The following POLR2F variants were observed in gnomAD, a reference collection of about 807,000 sequenced individuals.
POLR2F encodes DNA-directed RNA polymerases I, II, and III subunit RPABC2.
Under a neutral mutation model 22.7 loss-of-function variants are expected in POLR2F, and 12 were observed. The ratio of observed to expected loss-of-function variants is 0.53; its 90% CI spans 0.34 to 0.86. The LOEUF (loss-of-function observed/expected upper bound fraction) is 0.86. Ranked by LOEUF, POLR2F falls within the 40% of genes least tolerant of loss-of-function variation. The probability of loss-of-function intolerance (pLI) is 0.02; values close to 1 mark genes in which losing one functional copy is unlikely to be tolerated. For synonymous variants in POLR2F, 57 were observed against 66.0 expected (o/e 0.86, Z 0.66); for missense variants, 126 against 171.5 (o/e 0.73, Z 1.48).
At chr22:37,960,681 G>A (rs1009819190) in intron 3 of POLR2F, among the ~76,000 whole-genome samples, 1 of 151,960 alleles carries the variant, frequency 6.6e-6, no homozygotes, top group Non-Finnish European at 1.5e-5. Context: ...GATTACAGAC[G>A]TGAGCCACCG....
intron 1 of POLR2F, among the ~76,000 whole-genome samples, chr22:38,014,240 T>A (rs1290117337): frequency 1.3e-5 from 2 of 152,166 alleles, no homozygotes; most frequent in Non-Finnish European, 2.9e-5. Flanking sequence ...GGATTTTCTA[T>A]ATAGATGATT....
At chr22:38,028,902 C>G (rs758165557), downstream of POLR2F, among the ~76,000 whole-genome samples, 1 of 152,242 alleles carries the variant, frequency 6.6e-6, no homozygotes, top group African/African-American at 2.4e-5. Flanking sequence ...AAAGGCCCTG[C>G]AAGCCCCGGC....
chr22:37,967,795 T>C lies in POLR2F; in HGVS notation c.*80T>C, dbSNP rs1386225850. ...ATGTGTAAATAATAAAATATTCAACTTTCCAACCCCCTTCCCCTCTGCTTA... is the reference window on the plus strand; with the variant it reads ...ATGTGTAAATAATAAAATATTCAACCTTCCAACCCCCTTCCCCTCTGCTTA... On this transcript the variant is annotated 3_prime_UTR_variant, in exon 5 of 5. Coordinates refer to ENST00000442738, the MANE Select transcript of POLR2F (RefSeq NM_021974.5). 1 of 1,525,568 alleles carries C rather than the reference T, an allele frequency of 6.6e-7. No individual in the cohort carries two copies. The highest frequency in any genetic ancestry group is 8.8e-7 in the Non-Finnish European group (1 of 1,139,120). The allele number at this position is 1,525,568 out of a possible 1,614,324, so 94.5% of individuals were successfully genotyped here. A position where few individuals can be genotyped will look rare whatever the true frequency, so the allele number is the denominator to read the frequency against.
chr22:38,022,963 A>G (rs1402479814), intron 1 of POLR2F, among the ~76,000 whole-genome samples: 1 of 152,222 alleles, frequency 6.6e-6, no homozygotes, highest in Non-Finnish European at 1.5e-5. Flanking sequence ...GTGAGCCAAG[A>G]TCGTGCCATT....
At position 37,956,847 on chromosome 22, in the gene POLR2F, G is replaced by C; in HGVS notation, c.90+5G>C. On this transcript the variant is annotated splice_donor_5th_base_variant and intron_variant, in intron 2 of 4. Coordinates refer to ENST00000442738, the MANE Select transcript of POLR2F (RefSeq NM_021974.5). Reference sequence around the variant, plus strand: ...GACTTGGAGAATGCCGAAGAGGTCAGTATTCAGCCTCAGGCTCCCACCTCT... The same window carrying C: ...GACTTGGAGAATGCCGAAGAGGTCACTATTCAGCCTCAGGCTCCCACCTCT... 2 of 1,610,766 alleles carry C rather than the reference G, an allele frequency of 1.2e-6. No individual in the cohort carries two copies. Among genetic ancestry groups the C allele is most frequent in the Non-Finnish European group, 1.7e-6 (2 of 1,176,814 alleles).
At chr22:38,022,551 CAAAAA>C (rs376987789) in intron 1 of POLR2F, among the ~76,000 whole-genome samples, 1 of 55,828 alleles carries the variant, frequency 1.8e-5, no homozygotes. Context: ...AACGCTGTCT[CAAAAA>C]AAAAAAAAAA....
At chr22:37,995,954 T>C (rs972118580) in intron 1 of POLR2F, among the ~76,000 whole-genome samples, 2 of 152,170 alleles carry the variant, frequency 1.3e-5, no homozygotes, top group African/African-American at 2.4e-5. Context: ...TGAGTCATGA[T>C]CGTGGCACTG....
At chr22:38,001,649 C>T (rs1297777660) in intron 1 of POLR2F, among the ~76,000 whole-genome samples, 1 of 152,114 alleles carries the variant, frequency 6.6e-6, no homozygotes, top group Non-Finnish European at 1.5e-5. Flanking sequence ...TCTCCTGCCT[C>T]AGCCTCCTGA....
intron 1 of POLR2F, 47 bp downstream of exon 1, chr22:37,953,854 G>T (rs377182862): frequency 1.3e-6 from 2 of 1,595,418 alleles, no homozygotes; most frequent in Non-Finnish European, 8.5e-7. Flanking sequence ...TGGAAGGGGC[G>T]GATGAGGCAA....
downstream of POLR2F, chr22:38,041,463 C>A (rs899764958): frequency 3.6e-5 from 10 of 280,134 alleles, no homozygotes; most frequent in Non-Finnish European, 6.8e-5. Flanking sequence ...GGCTTGTGGG[C>A]GGTGGAAAAG....
At chr22:38,022,644 A>C (rs955234986) in intron 1 of POLR2F, among the ~76,000 whole-genome samples, 2 of 152,128 alleles carry the variant, frequency 1.3e-5, no homozygotes, top group African/African-American at 4.8e-5. Flanking sequence ...ATTTATTTCT[A>C]AGTTATATAC....
chr22:37,954,760 A>T (rs1931299154), intron 1 of POLR2F, among the ~76,000 whole-genome samples: 2 of 152,210 alleles, frequency 1.3e-5, no homozygotes, highest in South Asian at 4.1e-4. Flanking sequence ...AGCTAGTCTG[A>T]AGATAAAAAT....
chr22:37,958,018 A>G (rs1931469576), intron 2 of POLR2F, among the ~76,000 whole-genome samples: 1 of 152,000 alleles, frequency 6.6e-6, no homozygotes, highest in Non-Finnish European at 1.5e-5. Flanking sequence ...TTTTAAATTA[A>G]GAAGTGGTGT....
At chr22:38,008,347 C>T (rs2084841282) in intron 1 of POLR2F, among the ~76,000 whole-genome samples, 2 of 151,642 alleles carry the variant, frequency 1.3e-5, no homozygotes, top group Non-Finnish European at 2.9e-5. Flanking sequence ...GTCAAGAGTT[C>T]AAGACCAGGC....
In POLR2F at chr22:37,968,732, T is replaced by C; in HGVS notation, c.*1017T>C. 1.0e-6 allele frequency: 1 copy of C among 985,394 alleles called. No individual in the cohort carries two copies. The highest frequency in any genetic ancestry group is 1.2e-6 in the Non-Finnish European group (1 of 829,920). The allele number at this position is 985,394 out of a possible 1,614,324, so 61.0% of individuals were successfully genotyped here. On this transcript the variant is annotated 3_prime_UTR_variant, in exon 5 of 5. Transcript: ENST00000442738. ...TGAATATGCCAGCCTTAACCTCCAT[T>C]CCACTGCCAGCTCCCCTTCAAAGAG...
intron 1 of POLR2F, among the ~76,000 whole-genome samples, chr22:38,006,311 C>T (rs976360030): frequency 3.9e-5 from 6 of 152,146 alleles, no homozygotes; most frequent in African/African-American, 7.2e-5. Context: ...AACCAGTGAG[C>T]GAGGCAGTGA....
At chr22:38,009,481 CT>C (rs1193316511) in intron 1 of POLR2F, among the ~76,000 whole-genome samples, 1 of 152,128 alleles carries the variant, frequency 6.6e-6, no homozygotes, top group African/African-American at 2.4e-5. Flanking sequence ...TTTGGTTTTC[CT>C]TTTTTAAAAT....
intron 1 of POLR2F, among the ~76,000 whole-genome samples, chr22:37,994,939 C>T (rs973827627): frequency 1.3e-5 from 2 of 152,222 alleles, no homozygotes; most frequent in African/African-American, 4.8e-5. Context: ...GCCACCTGCA[C>T]AGGTGTTTTA....
intron 1 of POLR2F, 200 bp downstream of exon 1, chr22:37,954,007 T>G: frequency 1.6e-6 from 1 of 626,444 alleles, no homozygotes; most frequent in Non-Finnish European, 2.8e-6. Context: ...GGGCCCAGGC[T>G]CGAGGGTCCA....
Sources: gnomAD v4.1 joint callset for allele counts (sites outside exome capture counted in the v4.1 genomes callset) on GRCh38, gnomAD v4.1.1 for gene constraint, MANE v1.5 for transcripts, NCBI Gene and HGNC (gene_info 2026-07-23, HGNC 2026-07-21) for gene names.